The following PRKCE variants were observed in gnomAD, a reference collection of about 807,000 sequenced individuals.
The protein encoded by PRKCE is protein kinase C epsilon type.
PRKCE carries 16 observed loss-of-function variants against 85.4 expected under a neutral mutation model. The observed-to-expected ratio is 0.19, with a 90% CI of 0.13 to 0.28. The LOEUF (loss-of-function observed/expected upper bound fraction) is 0.28, where lower values mean the gene tolerates loss of function less well. PRKCE is among the 10% of genes least tolerant of loss of function. The pLI is 1.00. For missense variants in PRKCE, 573 were observed against 975.2 expected, an observed-to-expected ratio of 0.59 and a Z score of 5.49; for synonymous variants, 388 against 371.5, an observed-to-expected ratio of 1.04 and a Z score of -0.51.
intron 1 of PRKCE, among the ~76,000 whole-genome samples, chr2:45,745,276 G>A (rs192961359): frequency 2.0e-5 from 3 of 152,232 alleles, no homozygotes; most frequent in Non-Finnish European, 2.9e-5. Flanking sequence ...GAGGAGGCCC[G>A]GGACACAGAT....
intron 11 of PRKCE, among the ~76,000 whole-genome samples, chr2:46,129,810 C>T (rs778435978): frequency 2.6e-5 from 4 of 152,224 alleles, no homozygotes; most frequent in African/African-American, 7.2e-5. Context: ...TTGTAAGACT[C>T]GCTGGGAAAT....
intron 2 of PRKCE, among the ~76,000 whole-genome samples, chr2:45,887,168 T>A (rs1695363804): frequency 6.6e-6 from 1 of 152,192 alleles, no homozygotes; most frequent in East Asian, 1.9e-4. Context: ...GGGCCTCCCA[T>A]TGGGCCTGAC....
At chr2:45,868,622 C>T (rs1406281723) in intron 2 of PRKCE, among the ~76,000 whole-genome samples, 1 of 150,502 alleles carries the variant, frequency 6.6e-6, no homozygotes, top group Non-Finnish European at 1.5e-5. Flanking sequence ...CCATGCCTGG[C>T]TGATTTTTGT....
In PRKCE at chr2:46,018,859, C is replaced by T. The variant is rs1033045761; in HGVS notation, c.1437+8342C>T. On this transcript the variant is annotated intron_variant, in intron 10 of 14. Coordinates refer to ENST00000306156, the MANE Select transcript of PRKCE (RefSeq NM_005400.3). Reference sequence around the variant, plus strand: ...TCTAGGGTTCTACAGTATCTGAGGGCGTCTCGTAGACATTCTGCATCGGGG... The same window carrying T: ...TCTAGGGTTCTACAGTATCTGAGGGTGTCTCGTAGACATTCTGCATCGGGG... Among the ~76,000 whole-genome samples, 4 of 152,214 alleles carry T rather than the reference C, an allele frequency of 2.6e-5. No individual in the cohort carries two copies. The South Asian group carries it at 8.3e-4, about 32-fold the overall frequency.
intron 13 of PRKCE, among the ~76,000 whole-genome samples, chr2:46,154,569 C>G (rs1410565950): frequency 6.6e-6 from 1 of 151,470 alleles, no homozygotes. Context: ...CTGGCTCAGC[C>G]AAGCCCCTCC....
intron 11 of PRKCE, among the ~76,000 whole-genome samples, chr2:46,096,367 C>A (rs1294649007): frequency 6.6e-6 from 1 of 152,182 alleles, no homozygotes; most frequent in African/African-American, 2.4e-5. Flanking sequence ...GTTCTGGAGT[C>A]AGAAAGTGAA....
intron 2 of PRKCE, among the ~76,000 whole-genome samples, chr2:45,881,026 G>A (rs1025119272): frequency 9.9e-5 from 15 of 151,130 alleles, no homozygotes; most frequent in Non-Finnish European, 2.2e-4. Context: ...AGTGGCGGGC[G>A]CCTGTAGTCC....
At chr2:46,182,934 G>C (rs1680142781) in intron 14 of PRKCE, among the ~76,000 whole-genome samples, 1 of 152,082 alleles carries the variant, frequency 6.6e-6, no homozygotes, top group African/African-American at 2.4e-5. Context: ...ACTGTGGAAG[G>C]CATCACACTG....
At chr2:45,971,470 G>T (rs1016373532) in intron 2 of PRKCE, among the ~76,000 whole-genome samples, 1 of 152,190 alleles carries the variant, frequency 6.6e-6, no homozygotes, top group Non-Finnish European at 1.5e-5. Context: ...TAAGGACATA[G>T]AAATCTGCTT....
chr2:46,061,076 T>C (rs1667071251), intron 10 of PRKCE, among the ~76,000 whole-genome samples: 1 of 151,422 alleles, frequency 6.6e-6, no homozygotes, highest in Admixed American at 6.6e-5. Context: ...TTTTTGTCTT[T>C]AATGATTTTC....
intron 7 of PRKCE, among the ~76,000 whole-genome samples, chr2:46,002,523 T>C (rs914297633): frequency 2.6e-5 from 4 of 152,268 alleles, no homozygotes; most frequent in Non-Finnish European, 4.4e-5. Context: ...GTTGCTTCTC[T>C]TGTATAGGAA....
intron 2 of PRKCE, among the ~76,000 whole-genome samples, chr2:45,975,275 G>A (rs927197806): frequency 2.0e-5 from 3 of 152,146 alleles, no homozygotes; most frequent in South Asian, 4.1e-4. Context: ...GTAAGCCCAC[G>A]ATAAACATTT....
intron 11 of PRKCE, among the ~76,000 whole-genome samples, chr2:46,114,567 G>A (rs979864772): frequency 1.2e-4 from 18 of 151,654 alleles, no homozygotes; most frequent in African/African-American, 2.2e-4. Context: ...ACAGGCACCC[G>A]CCACCACGCC....
intron 2 of PRKCE, among the ~76,000 whole-genome samples, chr2:45,908,588 C>T (rs376322670): frequency 1.4e-4 from 21 of 152,248 alleles, no homozygotes; most frequent in African/African-American, 5.1e-4. Flanking sequence ...TGTTTGTGGA[C>T]CTCATCTGAG....
chr2:45,831,198 C>T (rs1470351769), intron 1 of PRKCE, among the ~76,000 whole-genome samples: 3 of 152,160 alleles, frequency 2.0e-5, no homozygotes, highest in African/African-American at 7.2e-5. Context: ...CATTGAGTGG[C>T]ATGTGAATTG....
chr2:45,969,497 G>A (rs549560902), intron 2 of PRKCE, among the ~76,000 whole-genome samples: 9 of 152,288 alleles, frequency 5.9e-5, no homozygotes, highest in Non-Finnish European at 1.3e-4. Flanking sequence ...AGGTGAACGG[G>A]CATGGATCCG....
In PRKCE at chr2:46,187,441, C is replaced by G. The variant is rs1281553402; in HGVS notation, c.*2560C>G. 6.6e-6 allele frequency: 1 copy of G among 152,546 alleles called. No homozygotes were observed. The highest frequency in any genetic ancestry group is 2.4e-5 in the African/African-American group (1 of 41,424). The allele number at this position is 152,546 out of a possible 1,614,324, so 9.4% of individuals were successfully genotyped here. A position where few individuals can be genotyped will look rare whatever the true frequency, so the allele number is the denominator to read the frequency against. ...GTCTATAGAAAAAGGCTTGCGTGTT[C>G]GTTGAGTAATCATTGTTTCATTTTC... On this transcript the variant is annotated 3_prime_UTR_variant, in exon 15 of 15. Coordinates refer to ENST00000306156, the MANE Select transcript of PRKCE (RefSeq NM_005400.3).
At chr2:45,865,106 G>A (rs1006142246) in intron 2 of PRKCE, among the ~76,000 whole-genome samples, 7 of 152,116 alleles carry the variant, frequency 4.6e-5, no homozygotes, top group Admixed American at 1.3e-4. Context: ...GTTAAAATGC[G>A]GATTCTGAAT....
intron 2 of PRKCE, among the ~76,000 whole-genome samples, chr2:45,960,080 A>T (rs1701275264): frequency 1.3e-5 from 2 of 152,198 alleles, no homozygotes; most frequent in Admixed American, 1.3e-4. Flanking sequence ...CACTTAAAAA[A>T]TCTTTAGACC....
Sources: allele counts gnomAD v4.1 joint callset (sites outside exome capture counted in the v4.1 genomes callset), GRCh38; gene constraint gnomAD v4.1.1; transcripts MANE v1.5; gene names NCBI Gene and HGNC (gene_info 2026-07-23, HGNC 2026-07-21).